CCDC192: variants seen among roughly 807,000 people sequenced by gnomAD.
CCDC192 encodes the protein coiled-coil domain-containing protein 192.
At chr5:127,753,420 A>C (rs547978406) in intron 2 of CCDC192, among the ~76,000 whole-genome samples, 99 of 152,282 alleles carry the variant, frequency 6.5e-4, no homozygotes, top group African/African-American at 2.3e-3. Context: ...TTTTGAGTCC[A>C]GGCGCAGTGG....
chr5:127,845,264 G>A (rs1750481082), intron 5 of CCDC192, among the ~76,000 whole-genome samples: 1 of 152,204 alleles, frequency 6.6e-6, no homozygotes, highest in Admixed American at 6.5e-5. Flanking sequence ...TTGGGATGCT[G>A]CTAGTAGGAA....
At chr5:127,898,551 T>A (rs946242414) in intron 6 of CCDC192, among the ~76,000 whole-genome samples, 1 of 152,130 alleles carries the variant, frequency 6.6e-6, no homozygotes, top group Non-Finnish European at 1.5e-5. Context: ...TTAGCAGTGG[T>A]CCTGTTTTGC....
chr5:127,746,124 G>C (rs990651491), intron 2 of CCDC192, among the ~76,000 whole-genome samples: 6 of 152,236 alleles, frequency 3.9e-5, no homozygotes, highest in African/African-American at 1.2e-4. Flanking sequence ...AGGCAGGTCA[G>C]AGAGCAGGGT....
chr5:127,805,599 A>G (rs959619162), intron 5 of CCDC192, among the ~76,000 whole-genome samples: 4 of 152,316 alleles, frequency 2.6e-5, no homozygotes, highest in African/African-American at 9.6e-5. Flanking sequence ...GAATAGGGAA[A>G]TTCCTTTCCT....
intron 5 of CCDC192, among the ~76,000 whole-genome samples, chr5:127,815,904 G>C (rs1281663723): frequency 1.3e-5 from 2 of 151,948 alleles, no homozygotes; most frequent in African/African-American, 4.8e-5. Context: ...AGATGTACAA[G>C]AAAGAGAATT....
intron 5 of CCDC192, among the ~76,000 whole-genome samples, chr5:127,861,044 T>C (rs1272940292): frequency 6.6e-6 from 1 of 152,152 alleles, no homozygotes; most frequent in Non-Finnish European, 1.5e-5. Flanking sequence ...GTTTTGCTCT[T>C]GCTGCCCAGC....
At chr5:127,805,496 T>G (rs749677963) in intron 5 of CCDC192, among the ~76,000 whole-genome samples, 4 of 152,240 alleles carry the variant, frequency 2.6e-5, no homozygotes, top group Admixed American at 6.5e-5. Context: ...TTTAATGATC[T>G]TTTAACTTTA....
chr5:127,721,982 G>T (rs1275161668), intron 2 of CCDC192, among the ~76,000 whole-genome samples: 4 of 152,124 alleles, frequency 2.6e-5, no homozygotes, highest in African/African-American at 9.7e-5. Context: ...AACACTGGGG[G>T]TTACAATTCA....
intron 6 of CCDC192, among the ~76,000 whole-genome samples, chr5:127,890,246 G>A (rs1752694894): frequency 6.6e-6 from 1 of 152,098 alleles, no homozygotes; most frequent in Non-Finnish European, 1.5e-5. Context: ...GTGTAGTGGT[G>A]CATGCTTGTA....
chr5:127,766,378 A>G (rs936362731), intron 3 of CCDC192, among the ~76,000 whole-genome samples: 114 of 152,302 alleles, frequency 7.5e-4, no homozygotes, highest in African/African-American at 2.7e-3. Context: ...ATAATGGGTT[A>G]TGAAATCAAT....
chr5:127,879,899 C>T (rs1237142601), intron 6 of CCDC192, among the ~76,000 whole-genome samples: 1 of 149,968 alleles, frequency 6.7e-6, no homozygotes, highest in Non-Finnish European at 1.5e-5. Flanking sequence ...TACCATCTCA[C>T]ACCAGTTAGA....
intron 2 of CCDC192, among the ~76,000 whole-genome samples, chr5:127,709,341 A>G (rs372722639): frequency 1.3e-5 from 2 of 152,108 alleles, no homozygotes; most frequent in South Asian, 4.1e-4. Flanking sequence ...GGGCTAAACC[A>G]TTCGTGAGAA....
At chr5:127,711,915 C>G (rs1751356848) in intron 2 of CCDC192, among the ~76,000 whole-genome samples, 1 of 152,016 alleles carries the variant, frequency 6.6e-6, no homozygotes, top group Non-Finnish European at 1.5e-5. Context: ...ATAATTGACA[C>G]ATTTAAAGTA....
chr5:127,703,297 T>C (rs1750781435), upstream of CCDC192: 1 of 394,150 alleles, frequency 2.5e-6, no homozygotes, highest in Admixed American at 4.4e-5. Context: ...GATTTTTTTC[T>C]TTGGGAAGTT....
chr5:127,734,577 C>G, intron 2 of CCDC192, among the ~76,000 whole-genome samples: 3 of 141,258 alleles, frequency 2.1e-5, no homozygotes, highest in African/African-American at 5.5e-5. Context: ...TCCACATCCT[C>G]TCCAGCACCT....
intron 5 of CCDC192, among the ~76,000 whole-genome samples, chr5:127,863,819 G>A (rs1486564503): frequency 1.3e-5 from 2 of 152,124 alleles, no homozygotes; most frequent in Admixed American, 6.5e-5. Flanking sequence ...ACTATAAAAC[G>A]GAAATTAGAG....
At chr5:127,731,989 A>G (rs1752664211) in intron 2 of CCDC192, among the ~76,000 whole-genome samples, 1 of 152,216 alleles carries the variant, frequency 6.6e-6, no homozygotes, top group Non-Finnish European at 1.5e-5. Context: ...AAAATAAAAA[A>G]TTGACAAATG....
At chr5:127,737,465 G>C (rs1753089357) in intron 2 of CCDC192, among the ~76,000 whole-genome samples, 1 of 151,740 alleles carries the variant, frequency 6.6e-6, no homozygotes. Context: ...GCAGAGCTGA[G>C]TTCAATTCCT....
chr5:127,751,020 G>C (rs2126864674), intron 2 of CCDC192, among the ~76,000 whole-genome samples: 1 of 146,892 alleles, frequency 6.8e-6, no homozygotes, highest in African/African-American at 2.5e-5. Context: ...CTGCACGTGA[G>C]ATGGGTTTCC....
Sources: allele counts gnomAD v4.1 joint callset (sites outside exome capture counted in the v4.1 genomes callset), GRCh38; gene constraint gnomAD v4.1.1; transcripts MANE v1.5; gene names NCBI Gene and HGNC (gene_info 2026-07-23, HGNC 2026-07-21).